SHC2: variants seen among roughly 807,000 people sequenced by gnomAD.
SHC2 encodes the protein SHC adaptor protein 2.
Under a neutral mutation model 60.6 loss-of-function variants are expected in SHC2, and 62 were observed. The ratio of observed to expected loss-of-function variants is 1.02; its 90% CI spans 0.83 to 1.26. The LOEUF is 1.26. Ranked by LOEUF, SHC2 falls within the 50% of genes most tolerant of loss-of-function variation. The probability of loss-of-function intolerance (pLI) is 0.00; values close to 1 mark genes in which losing one functional copy is unlikely to be tolerated. For missense variants in SHC2, 873 were observed against 822.2 expected, an observed-to-expected ratio of 1.06 and a Z score of -0.76; for synonymous variants, 375 against 372.4, an observed-to-expected ratio of 1.01 and a Z score of -0.08.
intron 8 of SHC2, among the ~76,000 whole-genome samples, chr19:431,612 TTCA>T (rs1192119478): frequency 1.6e-4 from 7 of 42,992 alleles, no homozygotes; most frequent in Admixed American, 2.1e-4. Flanking sequence ...TAGATGGCGC[TTCA>T]TCGTGAGTGA....
chr19:460,222 G>A lies in SHC2; in HGVS notation c.468+307C>T, dbSNP rs145197225. The stretch of plus-strand genomic sequence containing the variant: ...GGGCTCCGGTGGCAGAGACGCCCCG[G>A]CCGCTCGCCGCTCTCGGCCTCGCCC... On this transcript the variant is annotated intron_variant, in intron 1 of 12. Coordinates refer to ENST00000264554, the MANE Select transcript of SHC2 (RefSeq NM_012435.3). Among the ~76,000 whole-genome samples the A allele has an allele frequency of 7.9e-3, 1,206 of 152,226 alleles. 21 individuals are homozygous for A. The highest frequency in any genetic ancestry group is 0.027 in the African/African-American group (1,112 of 41,542).
rs896307546 is a variant in SHC2 at position 460,991 on chromosome 19, C to T, written c.6G>A (p.Thr2=). Residue 2 remains threonine, a synonymous_variant, in exon 1 of 13, where the codon ACG becomes ACA. Transcript: ENST00000264554. ...GGGGCGCGCGCCCGCCCGGACCCTG[C>T]GTCATGGCCGCGGCCGCCCGACGGA... M[T]QGPGGRAPPA... 3.1e-6 allele frequency: 3 copies of T among 969,304 alleles called. No individual in the cohort carries two copies. Among genetic ancestry groups the T allele is most frequent in the Non-Finnish European group, 3.7e-6 (3 of 815,392 alleles). The allele number at this position is 969,304 out of a possible 1,614,324, so 60.0% of individuals were successfully genotyped here.
chr19:422,217 C>A lies in SHC2; in HGVS notation c.1549G>T (p.Gly517Trp). 2.5e-6 allele frequency: 4 copies of A among 1,612,576 alleles called. No individual in the cohort carries two copies. The highest frequency in any genetic ancestry group is 3.4e-6 in the Non-Finnish European group (4 of 1,179,676). ...TGCATGCCGGTGAGGACATACTGCC[C>A]GGGGTTGGTGACGCTGTCTCGCACA... ...FLVRDSVTNP[G>W]QYVLTGMHAG... The change falls in exon 11 of 13, where the codon GGG (glycine) becomes TGG (tryptophan). Residue 517 changes from glycine (G) to tryptophan (W), a missense_variant. By Grantham distance (184) the Gly-to-Trp change is radical. Transcript: ENST00000264554. This position sits in a 1 kb window ranked among gnomAD's most constrained non-coding sequence, Gnocchi z 5.0.
chr19:456,786 CT>C (rs1240479982), intron 1 of SHC2, among the ~76,000 whole-genome samples: 2 of 135,808 alleles, frequency 1.5e-5, no homozygotes, highest in African/African-American at 5.7e-5. Context: ...AGAACTCTGT[CT>C]GCAATCCCCA....
At chr19:429,192 G>A (rs1280200858) in intron 9 of SHC2, among the ~76,000 whole-genome samples, 2 of 147,546 alleles carry the variant, frequency 1.4e-5, no homozygotes, top group Admixed American at 6.9e-5. Context: ...GGATGACGCA[G>A]TACCTATATC....
At chr19:437,678 A>G (rs866279630) in intron 4 of SHC2, among the ~76,000 whole-genome samples, 4 of 151,928 alleles carry the variant, frequency 2.6e-5, no homozygotes, top group Middle Eastern at 3.4e-3. Context: ...CCCCCCCGCC[A>G]GCTCCATCCT....
chr19:425,926 G>A lies in SHC2; in HGVS notation c.1175-695C>T, dbSNP rs1160013003. Among the ~76,000 whole-genome samples, 3 of 152,058 alleles carry A rather than the reference G, an allele frequency of 2.0e-5. No homozygotes were observed. The highest frequency in any genetic ancestry group is 2.0e-4 in the Admixed American group (3 of 15,266). ...CGCCTGCAATCCCAGCTATTTGGGAGGCTGAGGCATGAGAATCACTTGAAT... is the reference window on the plus strand; with the variant it reads ...CGCCTGCAATCCCAGCTATTTGGGAAGCTGAGGCATGAGAATCACTTGAAT... On this transcript the variant is annotated intron_variant, in intron 9 of 12. Transcript: ENST00000264554. The surrounding 1 kb of genome is among the most constrained non-coding windows in gnomAD (Gnocchi z 4.1).
intron 1 of SHC2, among the ~76,000 whole-genome samples, chr19:448,322 G>A (rs1055698476): frequency 6.6e-6 from 1 of 152,174 alleles, no homozygotes; most frequent in African/African-American, 2.4e-5. Flanking sequence ...CTGCGGGCAG[G>A]GCCTCGCTCC....
chr19:457,858 G>A (rs1356969472), intron 1 of SHC2, among the ~76,000 whole-genome samples: 4 of 152,276 alleles, frequency 2.6e-5, no homozygotes, highest in African/African-American at 9.6e-5. Context: ...AGGACAAACC[G>A]CCGGGAGACG....
intron 8 of SHC2, among the ~76,000 whole-genome samples, chr19:431,433 G>A (rs1229674969): frequency 9.3e-4 from 74 of 79,244 alleles, no homozygotes; most frequent in South Asian, 2.6e-3. Flanking sequence ...AGAGGAGGCC[G>A]GGCAGATGGC....
Position 425,484 on chromosome 19 carries a change from C to T in SHC2, c.1175-253G>A, listed in dbSNP as rs1974393333. ...GGCAGCGTGCGGCTGGGGCTGTGGG[C>T]ACCAGACGTCCACGCCCAGGGAGAA... On this transcript the variant is annotated intron_variant, in intron 9 of 12. Coordinates refer to ENST00000264554, the MANE Select transcript of SHC2 (RefSeq NM_012435.3). The surrounding 1 kb of genome is among the most constrained non-coding windows in gnomAD (Gnocchi z 4.1). 6.6e-6 allele frequency among the ~76,000 whole-genome samples: 1 copy of T among 152,194 alleles called. No homozygotes were observed. Among genetic ancestry groups the T allele is most frequent in the Non-Finnish European group, 1.5e-5 (1 of 68,036 alleles).
intron 12 of SHC2, among the ~76,000 whole-genome samples, chr19:418,514 T>C (rs373716381): frequency 2.2e-4 from 33 of 152,272 alleles, no homozygotes; most frequent in East Asian, 1.2e-3. Context: ...CAGCGGGACA[T>C]TATCCAGCCG....
chr19:458,481 C>T (rs1209233729), intron 1 of SHC2, among the ~76,000 whole-genome samples: 2 of 124,830 alleles, frequency 1.6e-5, no homozygotes, highest in Admixed American at 8.3e-5. Context: ...ACGCATGTTC[C>T]GGGGGACGGG....
At chr19:458,988 C>T (rs536175817) in intron 1 of SHC2, among the ~76,000 whole-genome samples, 245 of 152,206 alleles carry the variant, frequency 1.6e-3, no homozygotes, top group African/African-American at 5.7e-3. Flanking sequence ...GCTTGAGGCC[C>T]CCACCTCTGC....
chr19:452,439 A>G lies in SHC2; in HGVS notation c.468+8090T>C, dbSNP rs1342253278. ...GGGGCATCGTACTGACTTGGGGGGA[A>G]TTCCTGCATAGGTGTGCGTTTCTCC... On this transcript the variant is annotated intron_variant, in intron 1 of 12. Transcript: ENST00000264554. Among the ~76,000 whole-genome samples the G allele has an allele frequency of 1.7e-3, 190 of 108,616 alleles. 4 individuals are homozygous for G. Among genetic ancestry groups the G allele is most frequent in the Non-Finnish European group, 2.3e-3 (125 of 54,128 alleles). The allele number at this position is 108,616 out of a possible 152,430, so 71.3% of individuals were successfully genotyped here.
chr19:449,881 C>T (rs376133383), intron 1 of SHC2, among the ~76,000 whole-genome samples: 1 of 152,208 alleles, frequency 6.6e-6, no homozygotes, highest in South Asian at 2.1e-4. Flanking sequence ...TGGAACTTTT[C>T]GTCTCAATAG....
Position 438,144 on chromosome 19 carries a change from C to G in SHC2, c.720+574G>C, listed in dbSNP as rs536641193. ...GATTACAGGCGCCCACCACCACACC[C>G]GGCTAATCTTTGTATTTTTTGTAGA... On this transcript the variant is annotated intron_variant, in intron 4 of 12. Transcript: ENST00000264554. The surrounding 1 kb of genome is among the most constrained non-coding windows in gnomAD (Gnocchi z 5.0). 6.6e-6 allele frequency among the ~76,000 whole-genome samples: 1 copy of G among 152,078 alleles called. No individual in the cohort carries two copies. The highest frequency in any genetic ancestry group is 1.5e-5 in the Non-Finnish European group (1 of 68,020).
In SHC2 at chr19:424,944, G is replaced by A. The variant is rs1002664422; in HGVS notation, c.1309+153C>T. ...GACAGGAGACAGACTGGGCTTCCCC[G>A]TCCCACCCGTCGACTTGAAGGATCT... On this transcript the variant is annotated intron_variant, in intron 10 of 12. Transcript: ENST00000264554. This position sits in a 1 kb window ranked among gnomAD's most constrained non-coding sequence, Gnocchi z 4.5. 2.6e-5 allele frequency among the ~76,000 whole-genome samples: 4 copies of A among 152,092 alleles called. No homozygotes were observed. The highest frequency in any genetic ancestry group is 7.2e-5 in the African/African-American group (3 of 41,430).
At position 434,769 on chromosome 19, in the gene SHC2, G is replaced by T. The variant is rs1178451420; in HGVS notation, c.1050C>A (p.Gly350=). 2.5e-6 allele frequency: 4 copies of T among 1,612,848 alleles called. No homozygotes were observed. In the East Asian group the frequency reaches 8.9e-5, roughly 36 times the overall value. ...GGGCCAGCCTGGAGTCCACTAGCCCGCCCAGCGGCGGCTCCTTCCCCGGGA... is the reference window on the plus strand; with the variant it reads ...GGGCCAGCCTGGAGTCCACTAGCCCTCCCAGCGGCGGCTCCTTCCCCGGGA... The part of the protein sequence containing the change: ...NSIPGKEPPL[G]GLVDSRLALT... The change falls in exon 8 of 13, where the codon GGC becomes GGA. Residue 350 remains glycine (G), a synonymous_variant. Coordinates refer to ENST00000264554, the MANE Select transcript of SHC2 (RefSeq NM_012435.3).
Sources: gnomAD v4.1 joint callset for allele counts (sites outside exome capture counted in the v4.1 genomes callset) on GRCh38, gnomAD v4.1.1 for gene constraint, Gnocchi (gnomAD v3.1) non-coding constraint, MANE v1.5 for transcripts, NCBI Gene and HGNC (gene_info 2026-07-23, HGNC 2026-07-21) for gene names.